ATXN7L1: variants seen among roughly 807,000 people sequenced by gnomAD.
The protein encoded by ATXN7L1 is ataxin-7-like protein 1.
Under a neutral mutation model 70.8 loss-of-function variants are expected in ATXN7L1, and 15 were observed. That is an observed-to-expected ratio of 0.21 (90% CI 0.14 to 0.33). The LOEUF is 0.33. Ranked by LOEUF, ATXN7L1 falls within the 10% of genes least tolerant of loss-of-function variation. The probability of loss-of-function intolerance (pLI) is 1.00; values close to 1 mark genes in which losing one functional copy is unlikely to be tolerated. For synonymous variants in ATXN7L1, 440 were observed against 445.1 expected, an observed-to-expected ratio of 0.99 and a Z score of 0.14; for missense variants, 975 against 1,097.1, an observed-to-expected ratio of 0.89 and a Z score of 1.57.
rs553914150 is a variant in ATXN7L1 at position 105,632,890 on chromosome 7, C to A, written c.1202+5463G>T. On this transcript the variant is annotated intron_variant, in intron 7 of 11. Transcript: ENST00000419735. ...AAGCTATGATTGTACCACTGCACTC[C>A]AGCCTGGGTTACAGAATGTAATCTT... is the stretch of plus-strand genomic sequence containing the variant. 1.4e-4 allele frequency among the ~76,000 whole-genome samples: 18 copies of A among 129,348 alleles called. 1 individual carries two copies. The highest frequency in any genetic ancestry group is 5.2e-4 in the African/African-American group (18 of 34,486). The allele number at this position is 129,348 out of a possible 152,430, so 84.9% of individuals were successfully genotyped here. A position where few individuals can be genotyped will look rare whatever the true frequency, so the allele number is the denominator to read the frequency against.
chr7:105,659,406 C>A (rs182810140), intron 4 of ATXN7L1, among the ~76,000 whole-genome samples: 4 of 152,156 alleles, frequency 2.6e-5, no homozygotes, highest in African/African-American at 9.7e-5. Context: ...GGAGGCCCTG[C>A]AGTAACTACT....
At chr7:105,823,228 A>C (rs75276948) in intron 2 of ATXN7L1, among the ~76,000 whole-genome samples, 2,462 of 152,268 alleles carry the variant, frequency 0.016, 40 homozygotes, top group East Asian at 0.066. Context: ...TCTATCTCCT[A>C]CAAAGTCGAA....
At chr7:105,761,322 A>G in intron 3 of ATXN7L1, 1 of 1,611,606 alleles carries the variant, frequency 6.2e-7, no homozygotes. Context: ...TCTCCAGACA[A>G]TGCCAGTCCT....
chr7:105,772,195 T>C (rs1397676836), intron 3 of ATXN7L1, among the ~76,000 whole-genome samples: 1 of 149,092 alleles, frequency 6.7e-6, no homozygotes, highest in East Asian at 2.0e-4. Context: ...TGCCTCAGCC[T>C]CCTGAGTAGC....
Position 105,610,858 on chromosome 7 carries a change from G to A in ATXN7L1, c.2473-255C>T, listed in dbSNP as rs1157897716. Among the ~76,000 whole-genome samples, 7 of 152,202 alleles carry A rather than the reference G, an allele frequency of 4.6e-5. No homozygotes were observed. In the East Asian group the frequency reaches 7.7e-4, roughly 17 times the overall value. ...TCCTCATACTGCTCCCTAGCTGGCC[G>A]GGACAGAACAGGGAAGGATGAGGAC... On this transcript the variant is annotated intron_variant, in intron 10 of 11. Transcript: ENST00000419735.
At chr7:105,631,403 G>GGTC (rs1456600445) in intron 7 of ATXN7L1, among the ~76,000 whole-genome samples, 1 of 152,144 alleles carries the variant, frequency 6.6e-6, no homozygotes, top group Non-Finnish European at 1.5e-5. Context: ...TGGACCTAAA[G>GGTC]GTCATGTCTA....
chr7:105,707,186 A>C (rs1442088533), intron 3 of ATXN7L1, among the ~76,000 whole-genome samples: 1 of 152,174 alleles, frequency 6.6e-6, no homozygotes, highest in African/African-American at 2.4e-5. Context: ...GCAGCATCTT[A>C]GAAGAAATGG....
At chr7:105,820,843 T>C (rs1194754114) in intron 2 of ATXN7L1, among the ~76,000 whole-genome samples, 1 of 152,212 alleles carries the variant, frequency 6.6e-6, no homozygotes, top group Non-Finnish European at 1.5e-5. Context: ...ATGTGAGATC[T>C]GGTTGTTTAA....
rs74608648 is a variant in ATXN7L1, at chr7:105,847,302, G to A, written c.250+28510C>T. Among the ~76,000 whole-genome samples, 919 of 152,248 alleles carry A rather than the reference G, an allele frequency of 6.0e-3. 8 individuals are homozygous for A. Among genetic ancestry groups the A allele is most frequent in the African/African-American group, 0.021 (872 of 41,544 alleles). ...ATTGGGAGTTGGCCACTAGATTAAG[G>A]ACTGGATGGATCTAGTTTTAACTTT... On this transcript the variant is annotated intron_variant, in intron 2 of 11. Coordinates refer to ENST00000419735, the MANE Select transcript of ATXN7L1 (RefSeq NM_020725.2).
intron 2 of ATXN7L1, among the ~76,000 whole-genome samples, chr7:105,805,503 T>C (rs1807440816): frequency 6.6e-6 from 1 of 152,174 alleles, no homozygotes; most frequent in Admixed American, 6.5e-5. Context: ...TTTATTGTCA[T>C]TGATTATATG....
intron 2 of ATXN7L1, among the ~76,000 whole-genome samples, chr7:105,811,821 G>C (rs928693703): frequency 1.3e-5 from 2 of 152,112 alleles, no homozygotes; most frequent in African/African-American, 4.8e-5. Flanking sequence ...CCTGGGGCCT[G>C]CATTTCTTCC....
chr7:105,656,002 A>C (rs959717290), intron 4 of ATXN7L1, among the ~76,000 whole-genome samples: 7 of 152,178 alleles, frequency 4.6e-5, no homozygotes, highest in Non-Finnish European at 8.8e-5. Flanking sequence ...AGCATTCAAC[A>C]CACACGTGTG....
At chr7:105,768,977 C>G (rs1801638679) in intron 3 of ATXN7L1, among the ~76,000 whole-genome samples, 1 of 152,234 alleles carries the variant, frequency 6.6e-6, no homozygotes, top group African/African-American at 2.4e-5. Context: ...CCTGGGGTCT[C>G]TATCCATGGA....
chr7:105,801,754 T>C (rs1299610901), intron 2 of ATXN7L1, among the ~76,000 whole-genome samples: 1 of 152,168 alleles, frequency 6.6e-6, no homozygotes, highest in Non-Finnish European at 1.5e-5. Context: ...TGACAGCCAA[T>C]TGTGCACATC....
At chr7:105,703,815 C>T (rs772789680) in intron 3 of ATXN7L1, among the ~76,000 whole-genome samples, 5 of 152,262 alleles carry the variant, frequency 3.3e-5, no homozygotes, top group Admixed American at 6.5e-5. Flanking sequence ...TTGCCTAGGG[C>T]GAACCTTTCG....
intron 5 of ATXN7L1, among the ~76,000 whole-genome samples, chr7:105,642,203 C>A (rs1468696167): frequency 6.6e-6 from 1 of 152,184 alleles, no homozygotes; most frequent in Non-Finnish European, 1.5e-5. Flanking sequence ...TCTGGCACCC[C>A]AAGTGTCTGC....
chr7:105,808,984 A>T (rs1031350394), intron 2 of ATXN7L1, among the ~76,000 whole-genome samples: 7 of 152,252 alleles, frequency 4.6e-5, no homozygotes, highest in Non-Finnish European at 8.8e-5. Flanking sequence ...TGAAGCCAAC[A>T]TGTGAGGCGT....
intron 7 of ATXN7L1, among the ~76,000 whole-genome samples, chr7:105,628,808 T>C (rs1263572843): frequency 8.8e-6 from 1 of 113,656 alleles, no homozygotes; most frequent in African/African-American, 2.8e-5. Context: ...AATAAATAAA[T>C]AAATAAATAA....
intron 3 of ATXN7L1, among the ~76,000 whole-genome samples, chr7:105,733,505 T>TCATCCATCCATCCACCCAACCAC (rs1563048362): frequency 9.3e-5 from 11 of 117,770 alleles, no homozygotes; most frequent in African/African-American, 3.3e-4. Flanking sequence ...CATCCATCCT[T>TCATCCATCCATCCACCCAACCAC]CCATCCATCC....
Sources: allele counts gnomAD v4.1 joint callset (sites outside exome capture counted in the v4.1 genomes callset), GRCh38; gene constraint gnomAD v4.1.1; transcripts MANE v1.5; gene names NCBI Gene and HGNC (gene_info 2026-07-23, HGNC 2026-07-21).